TEKT1: variants seen among roughly 807,000 people sequenced by gnomAD.
TEKT1 encodes the protein tektin 1.
In TEKT1, 32 loss-of-function variants were observed where a neutral mutation model predicts 34.8. The ratio of observed to expected loss-of-function variants is 0.92; its 90% CI spans 0.69 to 1.23. The LOEUF (loss-of-function observed/expected upper bound fraction) is 1.23. Among genes scored for constraint, TEKT1 ranks in the 50% most tolerant of loss-of-function variants. TEKT1 has a pLI of 0.00. For synonymous variants in TEKT1, 207 were observed against 199.8 expected (o/e 1.04, Z -0.30); for missense variants, 492 against 518.5 (o/e 0.95, Z 0.50).
At chr17:6,821,946 T>C (rs950681527) in intron 2 of TEKT1, among the ~76,000 whole-genome samples, 1 of 152,074 alleles carries the variant, frequency 6.6e-6, no homozygotes, top group African/African-American at 2.4e-5. Flanking sequence ...GCTTCCCCCA[T>C]TTTGGGGGAA....
intron 6 of TEKT1, 74 bp downstream of exon 6, chr17:6,812,757 A>G (rs1366716417): frequency 6.9e-7 from 1 of 1,451,662 alleles, no homozygotes; most frequent in East Asian, 2.3e-5. Context: ...GGTCTGGCCC[A>G]GGGGGCATTC....
intron 6 of TEKT1, among the ~76,000 whole-genome samples, chr17:6,808,721 G>T (rs960619231): frequency 6.6e-6 from 1 of 151,934 alleles, no homozygotes; most frequent in Non-Finnish European, 1.5e-5. Context: ...TTAAATATTC[G>T]AATGCTATCT....
chr17:6,811,717 C>T lies in TEKT1; in HGVS notation c.852+1114G>A, dbSNP rs1012817550. 6.6e-6 allele frequency among the ~76,000 whole-genome samples: 1 copy of T among 152,120 alleles called. No homozygotes were observed. Among genetic ancestry groups the T allele is most frequent in the Non-Finnish European group, 1.5e-5 (1 of 68,026 alleles). On this transcript the variant is annotated intron_variant, in intron 6 of 7. Transcript: ENST00000338694. This position sits in a 1 kb window ranked among gnomAD's most constrained non-coding sequence, Gnocchi z 4.4. ...GATTCAGGGGCTGAGAAGGCCTGGG[C>T]TCCACTCCCACCGTGCCGCCTTGGG...
At chr17:6,828,419 G>C (rs1451688515) in intron 2 of TEKT1, among the ~76,000 whole-genome samples, 1 of 152,182 alleles carries the variant, frequency 6.6e-6, no homozygotes, top group Non-Finnish European at 1.5e-5. Context: ...GACCAGGTTT[G>C]ATCCATAAAC....
chr17:6,805,492 T>G (rs1425730551), intron 6 of TEKT1, among the ~76,000 whole-genome samples: 18 of 152,332 alleles, frequency 1.2e-4, no homozygotes, highest in East Asian at 1.9e-4. Flanking sequence ...TCTTAGTTAT[T>G]TCTTGCCTTC....
intron 6 of TEKT1, among the ~76,000 whole-genome samples, chr17:6,812,389 C>T (rs375149015): frequency 6.6e-6 from 1 of 152,142 alleles, no homozygotes; most frequent in East Asian, 1.9e-4. Flanking sequence ...AGCTAGAGTC[C>T]TAAAGCTCCA....
intron 2 of TEKT1, among the ~76,000 whole-genome samples, chr17:6,829,243 C>G (rs898129485): frequency 6.6e-6 from 1 of 152,138 alleles, no homozygotes; most frequent in Non-Finnish European, 1.5e-5. Flanking sequence ...TCTAGAAAAA[C>G]TTTTCCAATT....
chr17:6,815,646 A>T (rs1976995102), intron 4 of TEKT1, among the ~76,000 whole-genome samples, 188 bp downstream of exon 4: 1 of 152,142 alleles, frequency 6.6e-6, no homozygotes, highest in African/African-American at 2.4e-5. Context: ...CCCTTACCAG[A>T]GGGCGGCTGC....
At chr17:6,801,280 G>A (rs1252019789) in intron 6 of TEKT1, among the ~76,000 whole-genome samples, 2 of 152,184 alleles carry the variant, frequency 1.3e-5, no homozygotes, top group Non-Finnish European at 2.9e-5. Flanking sequence ...TTTGTATCAT[G>A]AGCAGAAAGC....
chr17:6,826,416 G>T (rs1904396357), intron 2 of TEKT1, among the ~76,000 whole-genome samples: 1 of 152,052 alleles, frequency 6.6e-6, no homozygotes, highest in South Asian at 2.1e-4. Flanking sequence ...GCCTTTTGAT[G>T]AGGTATTTTT....
At chr17:6,831,453 C>A (rs1440486867) in intron 1 of TEKT1, among the ~76,000 whole-genome samples, 196 bp downstream of exon 1, 1 of 152,174 alleles carries the variant, frequency 6.6e-6, no homozygotes, top group Non-Finnish European at 1.5e-5. Flanking sequence ...TCTTCCTAGC[C>A]CAGTCCCTTT....
intron 2 of TEKT1, among the ~76,000 whole-genome samples, chr17:6,824,240 T>C (rs1296877736): frequency 6.6e-6 from 1 of 152,230 alleles, no homozygotes; most frequent in East Asian, 1.9e-4. Flanking sequence ...TTCTTCTCTT[T>C]TGATACATTC....
At chr17:6,821,147 C>T (rs1049574505) in intron 2 of TEKT1, among the ~76,000 whole-genome samples, 2 of 152,106 alleles carry the variant, frequency 1.3e-5, no homozygotes, top group Non-Finnish European at 2.9e-5. Flanking sequence ...TGGTGTCAAA[C>T]TTATTTAATT....
chr17:6,807,044 A>G (rs9674570), intron 6 of TEKT1, among the ~76,000 whole-genome samples: 31,859 of 152,098 alleles, frequency 0.21, 3,484 homozygotes, highest in East Asian at 0.4. Flanking sequence ...GTTCTCCTGG[A>G]TAATATACTG....
At chr17:6,828,881 G>T (rs2151593187) in intron 2 of TEKT1, among the ~76,000 whole-genome samples, 1 of 152,200 alleles carries the variant, frequency 6.6e-6, no homozygotes, top group Non-Finnish European at 1.5e-5. Flanking sequence ...GCAGGGTGCG[G>T]TGGCTCGTGC....
chr17:6,807,636 A>G (rs1215663512), intron 6 of TEKT1, among the ~76,000 whole-genome samples: 1 of 152,164 alleles, frequency 6.6e-6, no homozygotes, highest in Non-Finnish European at 1.5e-5. Context: ...TGACGTACAG[A>G]TAGGGTTTTG....
chr17:6,816,863 T>C (rs971371525), intron 3 of TEKT1, among the ~76,000 whole-genome samples: 3 of 152,192 alleles, frequency 2.0e-5, no homozygotes, highest in Non-Finnish European at 2.9e-5. Flanking sequence ...GTAAAAGCAT[T>C]CCTATTTCTC....
intron 6 of TEKT1, among the ~76,000 whole-genome samples, chr17:6,808,145 C>T (rs938970673): frequency 5.9e-5 from 9 of 152,184 alleles, no homozygotes; most frequent in Non-Finnish European, 1.3e-4. Context: ...GCTTTGTTTA[C>T]CTACTCAAGC....
chr17:6,823,815 C>CTTTTTTTT (rs33937600), intron 2 of TEKT1, among the ~76,000 whole-genome samples: 2 of 77,662 alleles, frequency 2.6e-5, no homozygotes, highest in South Asian at 5.3e-4. Context: ...AAACCTCATC[C>CTTTTTTTT]TTTTTTTTTT....
Sources: allele counts gnomAD v4.1 joint callset (sites outside exome capture counted in the v4.1 genomes callset), GRCh38; gene constraint gnomAD v4.1.1; non-coding constraint Gnocchi (gnomAD v3.1); transcripts MANE v1.5; gene names NCBI Gene and HGNC (gene_info 2026-07-23, HGNC 2026-07-21).